The following WDPCP variants were observed in gnomAD, a reference collection of about 807,000 sequenced individuals.
WDPCP encodes WD repeat-containing and planar cell polarity effector protein fritz homolog.
A neutral mutation model predicts 93.1 loss-of-function variants in WDPCP; 71 were observed. That is an observed-to-expected ratio of 0.76 (90% CI 0.63 to 0.93). The LOEUF is 0.93. WDPCP is among the 40% of genes least tolerant of loss of function. The probability of loss-of-function intolerance (pLI) is 0.00; values close to 1 mark genes in which losing one functional copy is unlikely to be tolerated. For missense variants in WDPCP, 844 were observed against 887.4 expected (o/e 0.95, Z 0.62); for synonymous variants, 315 against 315.0 (o/e 1.00, Z 0.00).
At chr2:63,143,468 G>A (rs1283314938) in intron 17 of WDPCP, among the ~76,000 whole-genome samples, 1 of 152,070 alleles carries the variant, frequency 6.6e-6, no homozygotes, top group Non-Finnish European at 1.5e-5. Context: ...TGTGATTTTT[G>A]TTGCCTGCGT....
At chr2:63,539,772 A>ATAG (rs1704574496) in intron 1 of WDPCP, among the ~76,000 whole-genome samples, 1 of 152,206 alleles carries the variant, frequency 6.6e-6, no homozygotes, top group Non-Finnish European at 1.5e-5. Flanking sequence ...TTTCCAGTAA[A>ATAG]CTATTCTATC....
intron 17 of WDPCP, among the ~76,000 whole-genome samples, chr2:63,138,069 A>AAT (rs1670765342): frequency 8.5e-6 from 1 of 117,126 alleles, no homozygotes; most frequent in Non-Finnish European, 1.7e-5. Flanking sequence ...GTTCCATATG[A>AAT]TTTTTTTTTT....
intron 3 of WDPCP, among the ~76,000 whole-genome samples, chr2:63,623,211 T>G (rs911593952): frequency 6.6e-6 from 1 of 152,300 alleles, no homozygotes; most frequent in Admixed American, 6.5e-5. Flanking sequence ...AAGGAAAAAC[T>G]GGTACCTGCC....
intron 10 of WDPCP, among the ~76,000 whole-genome samples, chr2:63,390,313 T>G (rs1575305915): frequency 6.6e-6 from 1 of 151,606 alleles, no homozygotes; most frequent in East Asian, 1.9e-4. Context: ...GGGTAAATAA[T>G]GAAATTAAGG....
chr2:63,485,700 T>C (rs1343730781), intron 4 of WDPCP, among the ~76,000 whole-genome samples: 2 of 151,878 alleles, frequency 1.3e-5, no homozygotes, highest in African/African-American at 4.8e-5. Context: ...TTTAAAATAA[T>C]TTAAAAATGT....
chr2:63,442,152 C>T (rs765589740), intron 6 of WDPCP: 4 of 152,106 alleles, frequency 2.6e-5, no homozygotes, highest in Non-Finnish European at 5.9e-5. Flanking sequence ...AGGATAATAA[C>T]ACAGTGGTTA....
At chr2:63,305,870 G>A (rs1005572616) in intron 13 of WDPCP, among the ~76,000 whole-genome samples, 2 of 151,998 alleles carry the variant, frequency 1.3e-5, no homozygotes, top group East Asian at 1.9e-4. Context: ...ATGACCTGAT[G>A]GAGATGAAAA....
chr2:63,604,189 A>G (rs1709484136), intron 3 of WDPCP, among the ~76,000 whole-genome samples: 1 of 152,236 alleles, frequency 6.6e-6, no homozygotes, highest in Non-Finnish European at 1.5e-5. Flanking sequence ...TTTGAGTCCT[A>G]TCCAACTCTA....
At chr2:63,281,849 T>G (rs576421220) in intron 13 of WDPCP, among the ~76,000 whole-genome samples, 2 of 152,150 alleles carry the variant, frequency 1.3e-5, no homozygotes, top group South Asian at 4.1e-4. Context: ...CGGTGAATGA[T>G]AAAAGACTTC....
chr2:63,668,404 T>C (rs1710308019), intron 2 of WDPCP, among the ~76,000 whole-genome samples: 1 of 152,232 alleles, frequency 6.6e-6, no homozygotes, highest in African/African-American at 2.4e-5. Flanking sequence ...CATATTGTTC[T>C]ATACCTGTTT....
At chr2:63,296,565 A>C (rs1575083523) in intron 13 of WDPCP, among the ~76,000 whole-genome samples, 1 of 152,184 alleles carries the variant, frequency 6.6e-6, no homozygotes, top group East Asian at 1.9e-4. Flanking sequence ...CCTCCAACAG[A>C]CTTCTAGACT....
At chr2:63,796,329 A>G (rs1424670705) in intron 2 of WDPCP, among the ~76,000 whole-genome samples, 1 of 152,248 alleles carries the variant, frequency 6.6e-6, no homozygotes, top group Admixed American at 6.5e-5. Flanking sequence ...AGAAGCCTCC[A>G]CCAATTGTCT....
rs1195244149 is a variant in WDPCP, at chr2:63,153,547, A to C, written c.2106T>G (p.Leu702=). 3 of 1,612,154 alleles carry C rather than the reference A, an allele frequency of 1.9e-6. No individual in the cohort carries two copies. The highest frequency in any genetic ancestry group is 2.5e-6 in the Non-Finnish European group (3 of 1,178,948). Residue 702 remains leucine, a synonymous_variant, in exon 16 of 18, where the codon CTT becomes CTG. Coordinates refer to ENST00000272321, the MANE Select transcript of WDPCP (RefSeq NM_015910.7). ...AAAATCCAGAACAGATGTCTTTTTCAAGTTCATTCCTTCTGTCAATTATTT... is the reference window on the plus strand; with the variant it reads ...AAAATCCAGAACAGATGTCTTTTTCCAGTTCATTCCTTCTGTCAATTATTT... ...NRQIIDRRNE[L]EKDICSGFLM...
rs541729087 is a variant in WDPCP, at chr2:63,603,148, C to T, written n.488+47511G>A. On this transcript the variant is annotated intron_variant and non_coding_transcript_variant, in intron 3 of 4. Transcript: ENST00000467687. Reference sequence around the variant, plus strand: ...CTAATTTTTGTATTTTTAGTAGAGACGGGGCTTCACCGTGTTGGCCATGAT... The same window carrying T: ...CTAATTTTTGTATTTTTAGTAGAGATGGGGCTTCACCGTGTTGGCCATGAT... Among the ~76,000 whole-genome samples, 13 of 151,900 alleles carry T rather than the reference C, an allele frequency of 8.6e-5. No homozygotes were observed. In the South Asian group the frequency reaches 1.5e-3, roughly 17 times the overall value.
chr2:63,739,096 T>G (rs1338969475), intron 2 of WDPCP, among the ~76,000 whole-genome samples: 2 of 152,118 alleles, frequency 1.3e-5, no homozygotes, highest in Non-Finnish European at 2.9e-5. Context: ...GTAAATACAT[T>G]TCACAGGGGT....
intron 13 of WDPCP, among the ~76,000 whole-genome samples, chr2:63,298,086 T>A (rs116324202): frequency 2.6e-5 from 4 of 152,068 alleles, no homozygotes; most frequent in African/African-American, 9.7e-5. Flanking sequence ...TAGGAATGCA[T>A]GGTATCTAAA....
chr2:63,551,645 A>T (rs542151891), intron 1 of WDPCP, among the ~76,000 whole-genome samples: 1 of 152,268 alleles, frequency 6.6e-6, no homozygotes, highest in African/African-American at 2.4e-5. Context: ...TAGCAACATA[A>T]ATGGACTAAT....
chr2:63,702,745 A>C (rs1335494668), intron 2 of WDPCP, among the ~76,000 whole-genome samples: 5 of 149,932 alleles, frequency 3.3e-5, no homozygotes, highest in Admixed American at 6.6e-5. Context: ...TTATACTTTA[A>C]GTTTTAGGGT....
At chr2:63,274,843 A>G (rs1027712637) in intron 13 of WDPCP, among the ~76,000 whole-genome samples, 24 of 152,140 alleles carry the variant, frequency 1.6e-4, no homozygotes, top group African/African-American at 5.3e-4. Context: ...AAGAAAAGCC[A>G]ACTGTTTTAT....
Sources: gnomAD v4.1 joint callset for allele counts (sites outside exome capture counted in the v4.1 genomes callset) on GRCh38, gnomAD v4.1.1 for gene constraint, MANE v1.5 for transcripts, NCBI Gene and HGNC (gene_info 2026-07-23, HGNC 2026-07-21) for gene names.